Variants in TENM2 observed in about 807,000 individuals in gnomAD.
TENM2 encodes the protein teneurin-2.
In TENM2, 52 loss-of-function variants were observed where a neutral mutation model predicts 245.2. The ratio of observed to expected loss-of-function variants is 0.21; its 90% CI spans 0.17 to 0.27. The LOEUF (loss-of-function observed/expected upper bound fraction) is 0.27. Ranked by LOEUF, TENM2 falls within the 10% of genes least tolerant of loss-of-function variation. The pLI is 1.00. For synonymous variants in TENM2, 1,363 were observed against 1,438.9 expected (o/e 0.95, Z 1.19); for missense variants, 3,046 against 3,666.8 (o/e 0.83, Z 4.37).
the TENM2 span, among the ~76,000 whole-genome samples, chr5:167,055,148 T>G: frequency 6.6e-6 from 1 of 152,234 alleles, no homozygotes; most frequent in East Asian, 1.9e-4. Flanking sequence ...TTCTAGAAAT[T>G]TTACAGTTTT....
intron 2 of TENM2, among the ~76,000 whole-genome samples, chr5:167,591,152 G>T (rs1013372772): frequency 1.3e-5 from 2 of 152,154 alleles, no homozygotes; most frequent in Admixed American, 6.5e-5. Context: ...CTAGTGCAAA[G>T]CTCTGCAAAG....
the TENM2 span, among the ~76,000 whole-genome samples, chr5:167,078,180 G>T: frequency 6.6e-6 from 1 of 151,916 alleles, no homozygotes; most frequent in Non-Finnish European, 1.5e-5. Flanking sequence ...ATAGAACATG[G>T]GTTACAAAAG....
intron 5 of TENM2, among the ~76,000 whole-genome samples, chr5:168,030,454 C>CA (rs1787042822): frequency 6.6e-6 from 1 of 152,256 alleles, no homozygotes; most frequent in Admixed American, 6.5e-5. Context: ...CTGGAAGGCT[C>CA]ATTAACACAC....
In TENM2 at chr5:167,876,338, G is replaced by A. The variant is rs140450711; in HGVS notation, c.712+143G>A. On this transcript the variant is annotated intron_variant, in intron 3 of 28. Transcript: ENST00000518659. The stretch of plus-strand genomic sequence containing the variant: ...GGTGAAATGCATTTGTCATTTTGTG[G>A]CATGGTATTTTCAAGATACATCTGT... 494 of 718,790 alleles carry A rather than the reference G, an allele frequency of 6.9e-4. 1 individual carries two copies. Among genetic ancestry groups the A allele is most frequent in the African/African-American group, 5.1e-3 (288 of 57,006 alleles). 44.5% of individuals were successfully genotyped at this position (718,790 alleles called of 1,614,324 possible). A position where few individuals can be genotyped will look rare whatever the true frequency, so the allele number is the denominator to read the frequency against.
the TENM2 span, among the ~76,000 whole-genome samples, chr5:167,225,521 A>G: frequency 6.6e-6 from 1 of 152,026 alleles, no homozygotes; most frequent in African/African-American, 2.4e-5. Flanking sequence ...ATTCCAATTG[A>G]TCATGATTAG....
At chr5:167,804,833 G>A (rs535111009) in intron 2 of TENM2, among the ~76,000 whole-genome samples, 1 of 151,774 alleles carries the variant, frequency 6.6e-6, no homozygotes, top group East Asian at 1.9e-4. Context: ...GGCCCTAGGA[G>A]AAAAAAAAGT....
At chr5:167,239,796 G>T in the TENM2 span, among the ~76,000 whole-genome samples, 1 of 152,092 alleles carries the variant, frequency 6.6e-6, no homozygotes, top group Non-Finnish European at 1.5e-5. Context: ...TTTTGAGATG[G>T]AGTTTTGCTC....
the TENM2 span, among the ~76,000 whole-genome samples, chr5:167,210,759 G>C: frequency 6.6e-6 from 1 of 152,094 alleles, no homozygotes; most frequent in South Asian, 2.1e-4. Context: ...CACCGCGCCC[G>C]GCCTTCATTG....
chr5:168,035,084 A>G (rs971484247), intron 5 of TENM2, among the ~76,000 whole-genome samples: 2 of 152,252 alleles, frequency 1.3e-5, no homozygotes, highest in African/African-American at 4.8e-5. Flanking sequence ...TAGTGCAAAA[A>G]AAATCTTTTT....
Position 168,247,176 on chromosome 5 carries a change from C to T in TENM2, c.6237C>T (p.Phe2079=). Reference sequence around the variant, plus strand: ...TGGTGGACAAGCAGATCTACAGGTTCTCCGAGGAAGGCATGGTCAATGCCA... The same window carrying T: ...TGGTGGACAAGCAGATCTACAGGTTTTCCGAGGAAGGCATGGTCAATGCCA... The change falls in exon 27 of 29, where the codon TTC becomes TTT. Residue 2079 remains phenylalanine (F), a synonymous_variant. Transcript: ENST00000518659. The surrounding 1 kb of genome is among the most constrained non-coding windows in gnomAD (Gnocchi z 7.8). The T allele has an allele frequency of 1.9e-6, 3 of 1,613,934 alleles. No individual in the cohort carries two copies. The highest frequency in any genetic ancestry group is 2.5e-6 in the Non-Finnish European group (3 of 1,179,892).
chr5:167,373,586 T>C (rs1461946912), intron 1 of TENM2, among the ~76,000 whole-genome samples: 2 of 152,210 alleles, frequency 1.3e-5, no homozygotes, highest in Non-Finnish European at 2.9e-5. Flanking sequence ...TCTATCTGTT[T>C]TGCATGGAAA....
intron 13 of TENM2, among the ~76,000 whole-genome samples, chr5:168,189,213 A>G (rs909983634): frequency 1.6e-4 from 25 of 152,204 alleles, no homozygotes; most frequent in Non-Finnish European, 3.4e-4. Flanking sequence ...TTGGGAGTTA[A>G]GTTTTCAACA....
At chr5:167,688,177 G>T (rs1240796537) in intron 2 of TENM2, among the ~76,000 whole-genome samples, 1 of 152,118 alleles carries the variant, frequency 6.6e-6, no homozygotes, top group African/African-American at 2.4e-5. Flanking sequence ...AGGAAGACTG[G>T]TTCAAGATTA....
At chr5:167,003,643 T>A in the TENM2 span, among the ~76,000 whole-genome samples, 9 of 152,304 alleles carry the variant, frequency 5.9e-5, no homozygotes, top group East Asian at 1.7e-3. Context: ...AAAGTCGAAC[T>A]TTTTTTCTTT....
intron 2 of TENM2, among the ~76,000 whole-genome samples, chr5:167,562,237 A>T (rs10071347): frequency 6.6e-6 from 1 of 151,944 alleles, no homozygotes; most frequent in Non-Finnish European, 1.5e-5. Flanking sequence ...AAAATTGAAC[A>T]TAGAGAGCTG....
At chr5:168,232,657 G>T (rs1361805737) in intron 25 of TENM2, among the ~76,000 whole-genome samples, 1 of 152,194 alleles carries the variant, frequency 6.6e-6, no homozygotes, top group Non-Finnish European at 1.5e-5. Flanking sequence ...AACATTCCTG[G>T]AGTTTAGAGA....
chr5:167,358,529 A>G (rs1041587193), intron 1 of TENM2, among the ~76,000 whole-genome samples: 2 of 147,944 alleles, frequency 1.4e-5, no homozygotes, highest in Admixed American at 1.4e-4. Context: ...CTCTTTCCAT[A>G]CTCCTTTACT....
chr5:167,067,022 A>G, the TENM2 span, among the ~76,000 whole-genome samples: 1 of 152,176 alleles, frequency 6.6e-6, no homozygotes, highest in Non-Finnish European at 1.5e-5. Context: ...GACCGATTTA[A>G]TGTTTTCTTT....
intron 2 of TENM2, among the ~76,000 whole-genome samples, chr5:167,555,748 G>T (rs1297009176): frequency 3.9e-5 from 6 of 152,100 alleles, no homozygotes; most frequent in South Asian, 4.1e-4. Flanking sequence ...CTCGGAATCA[G>T]TAAACACAGC....
Sources: allele counts gnomAD v4.1 joint callset (sites outside exome capture counted in the v4.1 genomes callset), GRCh38; gene constraint gnomAD v4.1.1; non-coding constraint Gnocchi (gnomAD v3.1); transcripts MANE v1.5; gene names NCBI Gene and HGNC (gene_info 2026-07-23, HGNC 2026-07-21).